The following JAK2 variants were observed in gnomAD, a reference collection of about 807,000 sequenced individuals.
The protein encoded by JAK2 is tyrosine-protein kinase JAK2.
A neutral mutation model predicts 139.3 loss-of-function variants in JAK2; 86 were observed. That is an observed-to-expected ratio of 0.62 (90% CI 0.52 to 0.74). The LOEUF (loss-of-function observed/expected upper bound fraction) is 0.74, where lower values mean the gene tolerates loss of function less well. JAK2 is among the 30% of genes least tolerant of loss of function. JAK2 has a pLI of 0.00. For missense variants in JAK2, 1,421 were observed against 1,360.3 expected (o/e 1.04, Z -0.70); for synonymous variants, 490 against 437.7 (o/e 1.12, Z -1.49).
At chr9:5,039,351 C>T (rs368563133) in intron 4 of JAK2, among the ~76,000 whole-genome samples, 28 of 152,040 alleles carry the variant, frequency 1.8e-4, no homozygotes, top group South Asian at 1.7e-3. Flanking sequence ...CTAAAGAATA[C>T]GGTATAACAA....
intron 5 of JAK2, among the ~76,000 whole-genome samples, chr9:5,047,438 C>G (rs774598262): frequency 2.0e-5 from 3 of 152,170 alleles, no homozygotes; most frequent in Non-Finnish European, 2.9e-5. Context: ...TTTATATCAT[C>G]AAATATGGCT....
intron 16 of JAK2, among the ~76,000 whole-genome samples, chr9:5,079,846 T>C (rs77086764): frequency 0.039 from 5,886 of 151,620 alleles, 390 homozygotes; most frequent in African/African-American, 0.13. Flanking sequence ...TTTTTGAAGG[T>C]AAAACTAATG....
At chr9:5,012,561 G>C (rs1322904691) in intron 2 of JAK2, among the ~76,000 whole-genome samples, 1 of 152,112 alleles carries the variant, frequency 6.6e-6, no homozygotes, top group African/African-American at 2.4e-5. Context: ...AGGCAACCCA[G>C]CCTTGGTCTG....
At chr9:5,041,648 C>G in intron 4 of JAK2, 1 of 505,078 alleles carries the variant, frequency 2.0e-6, no homozygotes, top group Non-Finnish European at 4.0e-6. Flanking sequence ...AGCTCGACTA[C>G]GACTACCTGC....
intron 22 of JAK2, among the ~76,000 whole-genome samples, chr9:5,116,821 A>G (rs1033670001): frequency 5.3e-5 from 8 of 152,232 alleles, no homozygotes; most frequent in African/African-American, 1.9e-4. Context: ...TCAAGAGCTC[A>G]TAATTAGGAA....
chr9:5,101,208 A>C (rs1821454796), intron 22 of JAK2, among the ~76,000 whole-genome samples: 1 of 152,252 alleles, frequency 6.6e-6, no homozygotes, highest in Non-Finnish European at 1.5e-5. Context: ...AGTCTTACCA[A>C]ATGGCACACC....
intron 4 of JAK2, chr9:5,041,801 G>C (rs1816555030): frequency 2.1e-6 from 1 of 485,922 alleles, no homozygotes; most frequent in South Asian, 1.5e-5. Flanking sequence ...ACAAAGATCA[G>C]CCGCACAGCA....
At chr9:5,108,606 A>G (rs367715967) in intron 22 of JAK2, 1 of 152,184 alleles carries the variant, frequency 6.6e-6, no homozygotes, top group South Asian at 2.1e-4. Flanking sequence ...TGCCGGCTCA[A>G]CAGTACTTGC....
intron 2 of JAK2, among the ~76,000 whole-genome samples, chr9:5,018,125 C>G (rs1246606926): frequency 6.6e-6 from 1 of 152,030 alleles, no homozygotes; most frequent in African/African-American, 2.4e-5. Context: ...AAGGCTTATT[C>G]CTGTCATTTT....
intron 12 of JAK2, among the ~76,000 whole-genome samples, chr9:5,071,803 A>G (rs1818966306): frequency 6.6e-6 from 1 of 152,198 alleles, no homozygotes; most frequent in African/African-American, 2.4e-5. Flanking sequence ...GACTAACATT[A>G]CAAATCTAAT....
At chr9:5,125,226 C>T (rs1465928474) in intron 23 of JAK2, among the ~76,000 whole-genome samples, 1 of 150,702 alleles carries the variant, frequency 6.6e-6, no homozygotes, top group African/African-American at 2.4e-5. Flanking sequence ...GTATATAAAA[C>T]TTTTATAACT....
At position 5,064,117 on chromosome 9, in the gene JAK2, T is replaced by C. The variant is rs375787293; in HGVS notation, c.1057-766T>C. On this transcript the variant is annotated intron_variant, in intron 8 of 24. Coordinates refer to ENST00000381652, the MANE Select transcript of JAK2 (RefSeq NM_004972.4). Reference sequence around the variant, plus strand: ...GTTGCAGTGAGCCAAGATCGCGCCATTGCACTCCAGCCTGGGCGACAGAGC... The same window carrying C: ...GTTGCAGTGAGCCAAGATCGCGCCACTGCACTCCAGCCTGGGCGACAGAGC... Among the ~76,000 whole-genome samples, 4 of 151,486 alleles carry C rather than the reference T, an allele frequency of 2.6e-5. No homozygotes were observed. The East Asian group carries it at 5.8e-4, about 22-fold the overall frequency.
intron 2 of JAK2, among the ~76,000 whole-genome samples, chr9:5,015,728 G>T (rs577615556): frequency 1.3e-5 from 2 of 151,948 alleles, no homozygotes; most frequent in Non-Finnish European, 2.9e-5. Context: ...ATTCTTTTTC[G>T]TAGCAAAGCA....
intron 2 of JAK2, among the ~76,000 whole-genome samples, chr9:5,011,549 A>AT (rs1294981710): frequency 6.6e-6 from 1 of 152,128 alleles, no homozygotes; most frequent in Non-Finnish European, 1.5e-5. Flanking sequence ...CATTATATTA[A>AT]TTTTTTACTG....
intron 22 of JAK2, among the ~76,000 whole-genome samples, chr9:5,117,528 A>G (rs1386619177): frequency 6.6e-6 from 1 of 152,208 alleles, no homozygotes; most frequent in Non-Finnish European, 1.5e-5. Flanking sequence ...AGGCAATAAG[A>G]TATGTTTTCT....
At chr9:5,001,426 C>G (rs1303495535) in intron 2 of JAK2, among the ~76,000 whole-genome samples, 3 of 151,946 alleles carry the variant, frequency 2.0e-5, no homozygotes, top group Non-Finnish European at 4.4e-5. Context: ...AATGCTTTTC[C>G]TGCAACAATT....
upstream of JAK2, chr9:4,984,519 A>T (rs73389454): frequency 6.6e-6 from 1 of 152,220 alleles, no homozygotes; most frequent in African/African-American, 2.4e-5. Context: ...TTTCCAGCCA[A>T]GGTGGCTGAT....
intron 16 of JAK2, among the ~76,000 whole-genome samples, chr9:5,079,413 A>C (rs1164991123): frequency 6.6e-6 from 1 of 152,168 alleles, no homozygotes; most frequent in African/African-American, 2.4e-5. Flanking sequence ...ATTTGAGCAG[A>C]GCCCACCTAT....
intron 19 of JAK2, chr9:5,084,961 C>CT (rs1417138963): frequency 2.8e-6 from 2 of 705,378 alleles, no homozygotes; most frequent in Non-Finnish European, 5.0e-6. Flanking sequence ...TAGGCACAGT[C>CT]TGAGATAGCT....
Sources: allele counts gnomAD v4.1 joint callset (sites outside exome capture counted in the v4.1 genomes callset), GRCh38; gene constraint gnomAD v4.1.1; transcripts MANE v1.5; gene names NCBI Gene and HGNC (gene_info 2026-07-23, HGNC 2026-07-21).